Variants in SMYD3 observed in about 807,000 individuals in gnomAD.
The protein encoded by SMYD3 is histone-lysine N-methyltransferase SMYD3.
SMYD3 carries 36 observed loss-of-function variants against 57.7 expected under a neutral mutation model. The observed-to-expected ratio is 0.62, with a 90% CI of 0.48 to 0.82. SMYD3 has a LOEUF of 0.82. SMYD3 is among the 40% of genes least tolerant of loss of function. SMYD3 has a pLI of 0.00. For missense variants in SMYD3, 515 were observed against 538.8 expected (o/e 0.96, Z 0.44); for synonymous variants, 211 against 195.0 (o/e 1.08, Z -0.68).
intron 5 of SMYD3, among the ~76,000 whole-genome samples, chr1:246,027,160 A>C (rs2148248797): frequency 6.6e-6 from 1 of 152,350 alleles, no homozygotes; most frequent in Non-Finnish European, 1.5e-5. Flanking sequence ...GAGAAACGAC[A>C]GAAGAAACGG....
At chr1:245,845,560 G>A (rs1476722969) in intron 10 of SMYD3, among the ~76,000 whole-genome samples, 1 of 152,160 alleles carries the variant, frequency 6.6e-6, no homozygotes, top group Non-Finnish European at 1.5e-5. Context: ...TAGGACCTCA[G>A]CTGCTTTCTA....
rs972667774 is a variant in SMYD3 at position 245,951,524 on chromosome 1, G to A, written c.532-21587C>T. On this transcript the variant is annotated intron_variant, in intron 5 of 11. Transcript: ENST00000490107. ...GCAGAGCTTGCAGTGAGCCGAGATC[G>A]CGCCCCTGCACTCCAGCCTGGGTGA... Among the ~76,000 whole-genome samples, 16 of 135,324 alleles carry A rather than the reference G, an allele frequency of 1.2e-4. 1 individual carries two copies. Among genetic ancestry groups the A allele is most frequent in the Admixed American group, 5.7e-4 (8 of 13,996 alleles). 88.8% of individuals were successfully genotyped at this position (135,324 alleles called of 152,430 possible).
At chr1:246,440,657 C>T (rs1481994270) in intron 1 of SMYD3, among the ~76,000 whole-genome samples, 1 of 151,942 alleles carries the variant, frequency 6.6e-6, no homozygotes, top group Non-Finnish European at 1.5e-5. Context: ...AATGTAGAAA[C>T]ATGTTGAAGA....
chr1:246,378,718 TA>T (rs1229224626), intron 1 of SMYD3, among the ~76,000 whole-genome samples: 3 of 61,554 alleles, frequency 4.9e-5, no homozygotes, highest in African/African-American at 1.3e-4. Context: ...ATATATAATA[TA>T]ATATATTATA....
intron 5 of SMYD3, among the ~76,000 whole-genome samples, chr1:245,949,851 C>A (rs1454759466): frequency 1.5e-5 from 2 of 130,164 alleles, no homozygotes; most frequent in Admixed American, 1.7e-4. Context: ...CCCAACCAAC[C>A]AAGAAACAAC....
chr1:246,069,438 G>GA (rs2060404174), intron 5 of SMYD3, among the ~76,000 whole-genome samples: 1 of 152,132 alleles, frequency 6.6e-6, no homozygotes, highest in Non-Finnish European at 1.5e-5. Flanking sequence ...CTCAAGAGCA[G>GA]GCCTGTCTGC....
chr1:246,059,342 A>G (rs1227709160), intron 5 of SMYD3, among the ~76,000 whole-genome samples: 2 of 136,332 alleles, frequency 1.5e-5, no homozygotes, highest in African/African-American at 5.8e-5. Flanking sequence ...TACCTAGAGA[A>G]AAAAAAAAAT....
At chr1:246,062,008 A>C (rs1192822537) in intron 5 of SMYD3, among the ~76,000 whole-genome samples, 1 of 152,240 alleles carries the variant, frequency 6.6e-6, no homozygotes, top group African/African-American at 2.4e-5. Flanking sequence ...ATCTAACTTA[A>C]TAAAATGACT....
chr1:246,091,938 T>G (rs950372412), intron 5 of SMYD3, among the ~76,000 whole-genome samples: 4 of 152,226 alleles, frequency 2.6e-5, no homozygotes, highest in African/African-American at 9.6e-5. Flanking sequence ...ACATTATCAC[T>G]GCTGATCACC....
chr1:245,988,426 G>C (rs898720709), intron 5 of SMYD3: 1 of 152,208 alleles, frequency 6.6e-6, no homozygotes, highest in South Asian at 2.1e-4. Context: ...GAGACAATTA[G>C]GTAAAATTCA....
At chr1:246,021,936 G>A (rs1285778342) in intron 5 of SMYD3, among the ~76,000 whole-genome samples, 2 of 152,136 alleles carry the variant, frequency 1.3e-5, no homozygotes, top group African/African-American at 2.4e-5. Context: ...AGGTTTGACT[G>A]GTAGGGGCAC....
At chr1:245,825,177 G>T (rs2049413700) in intron 10 of SMYD3, among the ~76,000 whole-genome samples, 1 of 152,112 alleles carries the variant, frequency 6.6e-6, no homozygotes, top group Non-Finnish European at 1.5e-5. Flanking sequence ...ATTAAAGGAA[G>T]AAATTCCACC....
intron 5 of SMYD3, among the ~76,000 whole-genome samples, chr1:245,989,843 G>A (rs1572853289): frequency 6.6e-6 from 1 of 152,080 alleles, no homozygotes; most frequent in Non-Finnish European, 1.5e-5. Flanking sequence ...ATGAAATTAT[G>A]TTTTCTATAA....
intron 10 of SMYD3, among the ~76,000 whole-genome samples, chr1:245,779,964 G>A (rs1275201540): frequency 2.0e-5 from 3 of 152,204 alleles, no homozygotes; most frequent in African/African-American, 7.2e-5. Context: ...GTGACTCGAA[G>A]CCAGTGTAGT....
chr1:246,391,404 G>C (rs61841331), intron 1 of SMYD3, among the ~76,000 whole-genome samples: 1 of 41,374 alleles, frequency 2.4e-5, no homozygotes, highest in Non-Finnish European at 5.2e-5. Context: ...AAGAGAGAGA[G>C]AGAAAGAGAG....
chr1:245,883,192 C>A (rs2052886600), intron 8 of SMYD3, among the ~76,000 whole-genome samples: 1 of 152,064 alleles, frequency 6.6e-6, no homozygotes, highest in Non-Finnish European at 1.5e-5. Flanking sequence ...CTGAGTGTAC[C>A]CTTGTAACTA....
intron 5 of SMYD3, among the ~76,000 whole-genome samples, chr1:246,278,488 G>C (rs1225350755): frequency 1.3e-5 from 2 of 152,170 alleles, no homozygotes; most frequent in East Asian, 3.8e-4. Flanking sequence ...ACTTAATAAA[G>C]TACATGGTCA....
chr1:246,086,708 T>G (rs988518294), intron 5 of SMYD3, among the ~76,000 whole-genome samples: 1 of 151,984 alleles, frequency 6.6e-6, no homozygotes, highest in Non-Finnish European at 1.5e-5. Context: ...ATTTTCTTTT[T>G]TTTTAATTTT....
chr1:245,753,663 C>A (rs1465452589), intron 11 of SMYD3, among the ~76,000 whole-genome samples: 2 of 152,080 alleles, frequency 1.3e-5, no homozygotes, highest in Non-Finnish European at 2.9e-5. Context: ...ACGGAGAGGG[C>A]CCTGTGTGGC....
Sources: allele counts gnomAD v4.1 joint callset (sites outside exome capture counted in the v4.1 genomes callset), GRCh38; gene constraint gnomAD v4.1.1; transcripts MANE v1.5; gene names NCBI Gene and HGNC (gene_info 2026-07-23, HGNC 2026-07-21).